Variants in TLE3 observed in about 807,000 individuals in gnomAD.
The protein encoded by TLE3 is transducin-like enhancer protein 3.
Under a neutral mutation model 93.0 loss-of-function variants are expected in TLE3, and 14 were observed. The ratio of observed to expected loss-of-function variants is 0.15; its 90% confidence interval spans 0.10 to 0.24. The LOEUF is 0.24. Among genes scored for constraint, TLE3 ranks in the 10% least tolerant of loss-of-function variants. The probability of loss-of-function intolerance (pLI) is 1.00; values close to 1 mark genes in which losing one functional copy is unlikely to be tolerated. For synonymous variants in TLE3, 451 were observed against 425.0 expected, an observed-to-expected ratio of 1.06 and a Z score of -0.75; for missense variants, 693 against 1,046.6, an observed-to-expected ratio of 0.66 and a Z score of 4.66.
In TLE3 at chr15:70,053,952, C is replaced by T. The variant is rs72749648; in HGVS notation, c.1826+486G>A. On this transcript the variant is annotated intron_variant, in intron 16 of 19. Coordinates refer to ENST00000451782, the MANE Select transcript of TLE3 (RefSeq NM_001105192.3). ...CAGGCACCCGTCTGCCTTTGCGCTG[C>T]GGCACAGTCAGAGGAAGATGCTCCA... 1,160 of 161,280 alleles carry T rather than the reference C, an allele frequency of 7.2e-3. 5 individuals are homozygous for T. The highest frequency in any genetic ancestry group is 0.013 in the Non-Finnish European group (927 of 73,924). 10.0% of individuals were successfully genotyped at this position (161,280 alleles called of 1,614,324 possible).
At chr15:70,095,066 G>A (rs1415461484) in intron 3 of TLE3, among the ~76,000 whole-genome samples, 4 of 152,200 alleles carry the variant, frequency 2.6e-5, no homozygotes, top group Admixed American at 6.5e-5. Context: ...GATCCCTGAG[G>A]AGGGGAGTGG....
In TLE3 at chr15:70,057,402, CACT is replaced by C. The variant is rs1033367982; in HGVS notation, c.1251+54_1251+56del. ...AGCATGTGGGGAGCACCCGTCCAAC[CACT>C]GGCTCCCCACACCACGCCCAGTCCC... On this transcript the variant is annotated intron_variant, in intron 13 of 19. Coordinates refer to ENST00000451782, the MANE Select transcript of TLE3 (RefSeq NM_001105192.3). The C allele has an allele frequency of 3.9e-6, 6 of 1,523,820 alleles. No homozygotes were observed. In the African/African-American group the frequency reaches 8.3e-5, roughly 21 times the overall value. 94.4% of individuals were successfully genotyped at this position (1,523,820 alleles called of 1,614,324 possible). A position where few individuals can be genotyped will look rare whatever the true frequency, so the allele number is the denominator to read the frequency against.
In TLE3 at chr15:70,097,659, G is replaced by A. The variant is rs1307700593; in HGVS notation, c.-861C>T. The A allele has an allele frequency of 5.0e-6, 2 of 398,000 alleles. No individual in the cohort carries two copies. The highest frequency in any genetic ancestry group is 8.9e-6 in the Non-Finnish European group (2 of 225,622). 24.7% of individuals were successfully genotyped at this position (398,000 alleles called of 1,614,324 possible). On this transcript the variant is annotated 5_prime_UTR_variant, in exon 1 of 20. Coordinates refer to ENST00000451782, the MANE Select transcript of TLE3 (RefSeq NM_001105192.3). ...CGCCGCTGCCGCGTCGGAGCGCACA[G>A]GCAGGAGAGCGCTGGAGGGGAGACG...
chr15:70,093,614 C>T (rs1353704098), intron 4 of TLE3, among the ~76,000 whole-genome samples: 3 of 152,214 alleles, frequency 2.0e-5, no homozygotes, highest in African/African-American at 7.2e-5. Flanking sequence ...GTTGGCCAAG[C>T]CAAATTATAG....
At chr15:70,080,933 G>A (rs115737157) in intron 4 of TLE3, among the ~76,000 whole-genome samples, 1,629 of 152,216 alleles carry the variant, frequency 0.011, 29 homozygotes, top group African/African-American at 0.037. Context: ...ACACACCGTC[G>A]AGAGCTACTT....
rs140301449 is a variant in TLE3 at position 70,087,241 on chromosome 15, C to A, written c.234+7291G>T. Among the ~76,000 whole-genome samples the A allele has an allele frequency of 3.3e-5, 5 of 152,300 alleles. No individual in the cohort carries two copies. In the East Asian group the frequency reaches 9.6e-4, roughly 29 times the overall value. On this transcript the variant is annotated intron_variant, in intron 4 of 19. Coordinates refer to ENST00000451782, the MANE Select transcript of TLE3 (RefSeq NM_001105192.3). ...CACGGAACTCACAGTCCTGTCACAG[C>A]ACAGGCCTCACCTCCCCAACCCCAA...
intron 9 of TLE3, 134 bp from the exon 10 acceptor site, chr15:70,059,594 C>T (rs2056329392): frequency 2.5e-6 from 2 of 792,306 alleles, no homozygotes; most frequent in African/African-American, 1.7e-5. Context: ...ATGCTTTCTA[C>T]TCCAGCCCTG....
intron 8 of TLE3, among the ~76,000 whole-genome samples, chr15:70,062,396 T>A (rs2056547751): frequency 6.6e-6 from 1 of 152,008 alleles, no homozygotes. Context: ...GGAGGGGGCG[T>A]GCGGCTGCTC....
chr15:70,053,394 A>G lies in TLE3; in HGVS notation c.1827-20T>C. 6.3e-7 allele frequency: 1 copy of G among 1,589,024 alleles called. No individual in the cohort carries two copies. Among genetic ancestry groups the G allele is most frequent in the Non-Finnish European group, 8.6e-7 (1 of 1,163,092 alleles). Reference sequence around the variant, plus strand: ...AACTGCCTACGAAAGCCAAGCAGGGAGGAGGGTGAGTCCCGGGAACCACAG... The same window carrying G: ...AACTGCCTACGAAAGCCAAGCAGGGGGGAGGGTGAGTCCCGGGAACCACAG... On this transcript the variant is annotated intron_variant, in intron 16 of 19. Coordinates refer to ENST00000451782, the MANE Select transcript of TLE3 (RefSeq NM_001105192.3).
Position 70,057,597 on chromosome 15 carries a change from C to T in TLE3, c.1113G>A (p.Met371Ile), listed in dbSNP as rs1013297796. 7.5e-6 allele frequency: 12 copies of T among 1,595,862 alleles called. No homozygotes were observed. Among genetic ancestry groups the T allele is most frequent in the Non-Finnish European group, 6.8e-6 (8 of 1,172,622 alleles). Residue 371 changes from methionine (M) to isoleucine (I), a missense_variant, in exon 13 of 20, where the codon ATG becomes ATA. This residue lies in a region of TLE3 where 405 missense variants were observed against 468.9 expected (regional missense o/e 0.86). Transcript: ENST00000451782. The stretch of plus-strand genomic sequence containing the variant: ...GGGAGCCGTTCATCTCATGGTGGCT[C>T]ATCATGGCGAAGGGCGCCGCATAGG... Reference protein sequence around the residue: ...TSSYAAPFAMMSHHEMNGSLT... With the variant: ...TSSYAAPFAMISHHEMNGSLT...
intron 5 of TLE3, among the ~76,000 whole-genome samples, chr15:70,075,484 G>C (rs964383646): frequency 2.0e-5 from 3 of 152,166 alleles, no homozygotes; most frequent in African/African-American, 7.2e-5. Context: ...ACCATTAGGA[G>C]TCCCTGAGGG....
At position 70,058,449 on chromosome 15, in the gene TLE3, G is replaced by T; in HGVS notation, c.919-158C>A. 1 of 1,341,954 alleles carries T rather than the reference G, an allele frequency of 7.5e-7. No individual in the cohort carries two copies. 83.1% of individuals were successfully genotyped at this position (1,341,954 alleles called of 1,614,324 possible). The stretch of plus-strand genomic sequence containing the variant: ...AATCCTTGCCCAACCTTGTTTGGCA[G>T]GGACTGGGGTGATCACTCCCATTTT... On this transcript the variant is annotated intron_variant, in intron 11 of 19. Coordinates refer to ENST00000451782, the MANE Select transcript of TLE3 (RefSeq NM_001105192.3). The surrounding 1 kb of genome is among the most constrained non-coding windows in gnomAD (Gnocchi z 4.1).
At chr15:70,051,531 C>G in intron 18 of TLE3, 64 bp from the exon 19 acceptor site, 1 of 1,424,038 alleles carries the variant, frequency 7.0e-7, no homozygotes, top group Non-Finnish European at 9.6e-7. Context: ...CAAGACCTGC[C>G]CTAGACATGG....
At chr15:70,056,272 A>G (rs1439440317) in intron 14 of TLE3, 26 bp downstream of exon 14, 5 of 1,611,536 alleles carry the variant, frequency 3.1e-6, no homozygotes, top group Middle Eastern at 1.7e-4. Context: ...CCTACAAAGC[A>G]TGCAGTAAGT....
intron 16 of TLE3, 67 bp from the exon 17 acceptor site, chr15:70,053,441 CA>C: frequency 6.5e-7 from 1 of 1,528,632 alleles, no homozygotes; most frequent in Non-Finnish European, 8.9e-7. Flanking sequence ...GCGGCCATCC[CA>C]GGGGCAGTCT....
In TLE3 at chr15:70,050,292, C is replaced by G. The variant is rs958120824; in HGVS notation, c.2203-88G>C. On this transcript the variant is annotated intron_variant, in intron 19 of 19. Transcript: ENST00000451782. ...GAATTCATTTTCCAGTGCTCAACAC[C>G]ATCTCGGTTCTCTCGGCAACAATTG... is the stretch of plus-strand genomic sequence containing the variant. 2.6e-5 allele frequency: 26 copies of G among 1,009,576 alleles called. No homozygotes were observed. In the Admixed American group the frequency reaches 4.2e-4, roughly 16 times the overall value. 62.5% of individuals were successfully genotyped at this position (1,009,576 alleles called of 1,614,324 possible). A position where few individuals can be genotyped will look rare whatever the true frequency, so the allele number is the denominator to read the frequency against.
intron 13 of TLE3, among the ~76,000 whole-genome samples, 168 bp downstream of exon 13, chr15:70,057,291 T>A (rs2056130475): frequency 6.6e-6 from 1 of 152,182 alleles, no homozygotes; most frequent in Non-Finnish European, 1.5e-5. Context: ...CCAAAGAGTG[T>A]ACCCTTCCAG....
At chr15:70,095,667 A>G (rs1317856416) in intron 2 of TLE3, 26 bp from the exon 3 acceptor site, 12 of 1,550,806 alleles carry the variant, frequency 7.7e-6, no homozygotes, top group Non-Finnish European at 9.6e-6. Context: ...GAGCCGGCTC[A>G]GGCGTGGCGC....
chr15:70,064,906 A>AAT (rs2056721102), intron 7 of TLE3, among the ~76,000 whole-genome samples: 2 of 57,328 alleles, frequency 3.5e-5, no homozygotes, highest in South Asian at 3.7e-4. Context: ...TTTATTGTTA[A>AAT]AAAAAAAAAA....
Sources: allele counts gnomAD v4.1 joint callset (sites outside exome capture counted in the v4.1 genomes callset), GRCh38; gene constraint gnomAD v4.1.1; regional missense constraint gnomAD v4.1.1; non-coding constraint Gnocchi (gnomAD v3.1); transcripts MANE v1.5; gene names NCBI Gene and HGNC (gene_info 2026-07-23, HGNC 2026-07-21).